MICU2: variants seen among roughly 807,000 people sequenced by gnomAD.
The protein encoded by MICU2 is mitochondrial calcium uptake 2, also known as calcium uptake protein 2, mitochondrial.
MICU2 carries 64 observed loss-of-function variants against 60.4 expected under a neutral mutation model. The ratio of observed to expected loss-of-function variants is 1.06; its 90% CI spans 0.87 to 1.31. The LOEUF is 1.31. Ranked by LOEUF, MICU2 falls within the 50% of genes most tolerant of loss-of-function variation. MICU2 has a pLI of 0.00. For missense variants in MICU2, 569 were observed against 531.0 expected (o/e 1.07, Z -0.70); for synonymous variants, 201 against 175.0 (o/e 1.15, Z -1.17).
intron 7 of MICU2, among the ~76,000 whole-genome samples, chr13:21,511,340 G>A (rs962107352): frequency 6.6e-6 from 1 of 152,102 alleles, no homozygotes; most frequent in Non-Finnish European, 1.5e-5. Flanking sequence ...TGAGGAAAAT[G>A]TAAGGCATGA....
intron 2 of MICU2, among the ~76,000 whole-genome samples, chr13:21,561,268 C>T (rs1887833472): frequency 6.6e-6 from 1 of 152,072 alleles, no homozygotes; most frequent in African/African-American, 2.4e-5. Flanking sequence ...GTATATTCTG[C>T]TATCGTTAGG....
chr13:21,517,799 A>ACACACACACACACACACACGCGCG (rs1244489287), intron 6 of MICU2, among the ~76,000 whole-genome samples: 1 of 136,332 alleles, frequency 7.3e-6, no homozygotes, highest in African/African-American at 3.1e-5. Context: ...ACACACACAC[A>ACACACACACACACACACACGCGCG]CGCGCGCGCG....
At chr13:21,519,797 G>C (rs1006674066) in intron 6 of MICU2, among the ~76,000 whole-genome samples, 1 of 152,166 alleles carries the variant, frequency 6.6e-6, no homozygotes, top group Non-Finnish European at 1.5e-5. Flanking sequence ...AATGAGGAGG[G>C]CTGACAATGA....
chr13:21,498,544 A>C (rs1045150479), intron 9 of MICU2, among the ~76,000 whole-genome samples: 1 of 152,018 alleles, frequency 6.6e-6, no homozygotes, highest in Non-Finnish European at 1.5e-5. Context: ...ACGTCCGGCT[A>C]ATTTTTGTAT....
chr13:21,496,548 C>T (rs1886001746), intron 9 of MICU2: 2 of 180,164 alleles, frequency 1.1e-5, no homozygotes, highest in Admixed American at 1.2e-4. Context: ...TATTAGTGGA[C>T]ATAGCACTGA....
chr13:21,595,826 TAA>T (rs1311251939), intron 1 of MICU2, among the ~76,000 whole-genome samples: 1 of 152,252 alleles, frequency 6.6e-6, no homozygotes, highest in Admixed American at 6.5e-5. Context: ...ATACCTCTCC[TAA>T]GTCTTTAGTT....
intron 2 of MICU2, among the ~76,000 whole-genome samples, chr13:21,541,601 C>T (rs1397147485): frequency 6.6e-6 from 1 of 151,972 alleles, no homozygotes; most frequent in Non-Finnish European, 1.5e-5. Flanking sequence ...TTATTATATC[C>T]CCACTTTACA....
At chr13:21,603,102 A>C (rs1166077356) in intron 1 of MICU2, among the ~76,000 whole-genome samples, 1 of 141,490 alleles carries the variant, frequency 7.1e-6, no homozygotes, top group African/African-American at 2.6e-5. Context: ...CCGCCACCAC[A>C]CCCAGCTAAT....
At chr13:21,504,952 A>G (rs1886259358) in intron 8 of MICU2, among the ~76,000 whole-genome samples, 1 of 152,202 alleles carries the variant, frequency 6.6e-6, no homozygotes, top group African/African-American at 2.4e-5. Context: ...CTGAATTTAT[A>G]AAAACGCTTC....
At chr13:21,548,593 G>T (rs189363092) in intron 2 of MICU2, among the ~76,000 whole-genome samples, 216 of 152,246 alleles carry the variant, frequency 1.4e-3, no homozygotes, top group African/African-American at 5.0e-3. Context: ...CTGGAAACAG[G>T]CCAGGTCAGG....
At position 21,497,072 on chromosome 13, in the gene MICU2, T is replaced by TAACA. The variant is rs558636991; in HGVS notation, c.934-916_934-913dup. ...GCGAGACTCTGTCTCAAAAAATACA[T>TAACA]AACAAACAAACAAACAAACGGGCTG... On this transcript the variant is annotated intron_variant, in intron 9 of 11. Transcript: ENST00000382374. Among the ~76,000 whole-genome samples, 206 of 134,554 alleles carry TAACA rather than the reference T, an allele frequency of 1.5e-3. 1 individual carries two copies. Among genetic ancestry groups the TAACA allele is most frequent in the African/African-American group, 5.0e-3 (177 of 35,450 alleles). The allele number at this position is 134,554 out of a possible 152,430, so 88.3% of individuals were successfully genotyped here.
intron 8 of MICU2, among the ~76,000 whole-genome samples, chr13:21,505,874 C>CTT (rs1190349934): frequency 6.6e-6 from 1 of 152,174 alleles, no homozygotes; most frequent in Non-Finnish European, 1.5e-5. Flanking sequence ...AGAGAAGACA[C>CTT]TTACCTCACC....
intron 8 of MICU2, among the ~76,000 whole-genome samples, chr13:21,505,107 T>C (rs900027381): frequency 2.0e-5 from 3 of 152,214 alleles, no homozygotes; most frequent in Non-Finnish European, 4.4e-5. Context: ...CTAACCATTA[T>C]ATATCTTAAG....
intron 2 of MICU2, among the ~76,000 whole-genome samples, chr13:21,545,968 T>A (rs754789770): frequency 1.3e-5 from 2 of 152,204 alleles, no homozygotes; most frequent in African/African-American, 2.4e-5. Context: ...GATCACTACA[T>A]ACTACATGTA....
chr13:21,530,890 G>C, intron 4 of MICU2: 1 of 757,530 alleles, frequency 1.3e-6, no homozygotes, highest in Non-Finnish European at 2.4e-6. Context: ...CAGCGACAGA[G>C]CAGAATGGGC....
At chr13:21,596,005 T>C (rs953386518) in intron 1 of MICU2, among the ~76,000 whole-genome samples, 1 of 152,260 alleles carries the variant, frequency 6.6e-6, no homozygotes, top group Non-Finnish European at 1.5e-5. Flanking sequence ...TTCTCCTTAT[T>C]GGACTCTGAT....
chr13:21,585,214 G>C (rs564964756), intron 1 of MICU2, among the ~76,000 whole-genome samples: 1 of 152,234 alleles, frequency 6.6e-6, no homozygotes, highest in South Asian at 2.1e-4. Context: ...TTACAACTTT[G>C]ATTTTTGACT....
chr13:21,499,950 C>T (rs1056646257), intron 9 of MICU2, among the ~76,000 whole-genome samples: 5 of 152,088 alleles, frequency 3.3e-5, no homozygotes, highest in East Asian at 3.9e-4. Flanking sequence ...GTTTGTATAG[C>T]GGACAGCACT....
At chr13:21,596,375 T>A (rs1888690645) in intron 1 of MICU2, among the ~76,000 whole-genome samples, 1 of 151,852 alleles carries the variant, frequency 6.6e-6, no homozygotes. Context: ...CTGCTTGCAT[T>A]ATGCAAAGCA....
Sources: gnomAD v4.1 joint callset for allele counts (sites outside exome capture counted in the v4.1 genomes callset) on GRCh38, gnomAD v4.1.1 for gene constraint, MANE v1.5 for transcripts, NCBI Gene and HGNC (gene_info 2026-07-23, HGNC 2026-07-21) for gene names.